Variants in SLC2A13 observed in about 807,000 individuals in gnomAD.
SLC2A13 encodes the protein solute carrier family 2 member 13.
SLC2A13 carries 32 observed loss-of-function variants against 64.4 expected under a neutral mutation model. That is an observed-to-expected ratio of 0.50 (90% CI 0.37 to 0.67). The LOEUF is 0.67. Among genes scored for constraint, SLC2A13 ranks in the 30% least tolerant of loss-of-function variants. SLC2A13 has a pLI of 0.00. For synonymous variants in SLC2A13, 338 were observed against 327.1 expected, an observed-to-expected ratio of 1.03 and a Z score of -0.36; for missense variants, 743 against 829.2, an observed-to-expected ratio of 0.90 and a Z score of 1.28.
Position 39,900,512 on chromosome 12 carries a change from G to A in SLC2A13, c.1035-28551C>T, listed in dbSNP as rs865877739. 5.9e-3 allele frequency among the ~76,000 whole-genome samples: 897 copies of A among 151,992 alleles called. 6 individuals carry two copies. The highest frequency in any genetic ancestry group is 0.017 in the Middle Eastern group (5 of 294). On this transcript the variant is annotated intron_variant, in intron 4 of 9. Transcript: ENST00000280871. ...AAGTCTCAGGATACAAAATCAATGTGCAAAAATCACAAGCATTCTTATACA... is the reference window on the plus strand; with the variant it reads ...AAGTCTCAGGATACAAAATCAATGTACAAAAATCACAAGCATTCTTATACA...
intron 3 of SLC2A13, among the ~76,000 whole-genome samples, chr12:40,001,482 TA>T (rs947412091): frequency 6.6e-6 from 1 of 152,230 alleles, no homozygotes; most frequent in African/African-American, 2.4e-5. Flanking sequence ...TCACCATTCT[TA>T]AATATTTTTT....
chr12:39,962,544 G>A (rs967115278), intron 3 of SLC2A13, among the ~76,000 whole-genome samples: 3 of 152,114 alleles, frequency 2.0e-5, no homozygotes, highest in Non-Finnish European at 4.4e-5. Context: ...GCTACTTATT[G>A]TGCCATGCTG....
In SLC2A13 at chr12:39,757,509, C is replaced by A. The variant is rs1166381320; in HGVS notation, c.*2517G>T. 6.6e-6 allele frequency: 1 copy of A among 151,066 alleles called. No homozygotes were observed. The highest frequency in any genetic ancestry group is 1.9e-4 in the East Asian group (1 of 5,146). 9.4% of individuals were successfully genotyped at this position (151,066 alleles called of 1,614,324 possible). A position where few individuals can be genotyped will look rare whatever the true frequency, so the allele number is the denominator to read the frequency against. ...TGTTCACCAAATCTAAAAATAATAC[C>A]CTAATTGTATAAGGTTCCTTTTCAA... On this transcript the variant is annotated 3_prime_UTR_variant, in exon 10 of 10. Coordinates refer to ENST00000280871, the MANE Select transcript of SLC2A13 (RefSeq NM_052885.4).
chr12:40,028,582 G>A, intron 2 of SLC2A13, 73 bp from the exon 3 acceptor site: 2 of 1,456,804 alleles, frequency 1.4e-6, no homozygotes, highest in Non-Finnish European at 1.9e-6. Flanking sequence ...ATACTTTTGT[G>A]TTGTGTTGAC....
intron 4 of SLC2A13, among the ~76,000 whole-genome samples, chr12:39,904,053 A>T (rs1299048152): frequency 6.6e-6 from 1 of 152,140 alleles, no homozygotes; most frequent in Non-Finnish European, 1.5e-5. Context: ...CTTACTGATT[A>T]TACACAGGAA....
intron 1 of SLC2A13, among the ~76,000 whole-genome samples, chr12:40,094,187 G>A (rs1368211363): frequency 2.0e-5 from 3 of 152,218 alleles, no homozygotes; most frequent in Non-Finnish European, 4.4e-5. Context: ...CAAGCCCCAG[G>A]AGGAATGCTC....
chr12:39,788,822 C>T (rs1445003594), intron 7 of SLC2A13, among the ~76,000 whole-genome samples: 1 of 152,098 alleles, frequency 6.6e-6, no homozygotes, highest in East Asian at 1.9e-4. Flanking sequence ...CGAAGTTGCC[C>T]TGCAATCTAA....
chr12:39,805,543 C>A (rs1946915236), intron 7 of SLC2A13, among the ~76,000 whole-genome samples: 1 of 151,714 alleles, frequency 6.6e-6, no homozygotes, highest in Admixed American at 6.6e-5. Context: ...AGACTTTATT[C>A]CCATAGGCCT....
chr12:39,827,046 C>G (rs1211162849), intron 7 of SLC2A13, among the ~76,000 whole-genome samples: 1 of 151,130 alleles, frequency 6.6e-6, no homozygotes, highest in Non-Finnish European at 1.5e-5. Flanking sequence ...TTGCACCAGC[C>G]TGATACTCTC....
chr12:39,873,589 T>A (rs1944111538), intron 4 of SLC2A13, among the ~76,000 whole-genome samples: 1 of 152,182 alleles, frequency 6.6e-6, no homozygotes, highest in Non-Finnish European at 1.5e-5. Context: ...CACAATAATT[T>A]AAGAATAAGA....
chr12:40,051,260 C>A (rs992718478), intron 1 of SLC2A13, among the ~76,000 whole-genome samples: 3 of 152,130 alleles, frequency 2.0e-5, no homozygotes, highest in African/African-American at 7.2e-5. Context: ...CAATTCTGCA[C>A]AGAACATGAG....
intron 6 of SLC2A13, among the ~76,000 whole-genome samples, chr12:39,839,585 C>G (rs564435662): frequency 6.6e-6 from 1 of 152,148 alleles, no homozygotes; most frequent in South Asian, 2.1e-4. Flanking sequence ...CTCTTTCCTA[C>G]AATGTTCTCA....
intron 3 of SLC2A13, among the ~76,000 whole-genome samples, chr12:39,990,487 G>T (rs564864771): frequency 6.6e-6 from 1 of 152,264 alleles, no homozygotes; most frequent in South Asian, 2.1e-4. Context: ...AGAAGGATGT[G>T]CCCACACTTG....
chr12:39,804,523 G>C (rs1941904172), intron 7 of SLC2A13, among the ~76,000 whole-genome samples: 1 of 152,066 alleles, frequency 6.6e-6, no homozygotes, highest in Non-Finnish European at 1.5e-5. Flanking sequence ...AATAGCTTTG[G>C]TATTCCCTGA....
intron 7 of SLC2A13, among the ~76,000 whole-genome samples, chr12:39,819,025 T>C (rs1329318745): frequency 2.6e-5 from 4 of 152,140 alleles, no homozygotes; most frequent in Non-Finnish European, 4.4e-5. Context: ...CTGTCAATCA[T>C]AGTTTTCAGA....
intron 4 of SLC2A13, among the ~76,000 whole-genome samples, chr12:39,931,653 A>T (rs73278659): frequency 0.036 from 5,534 of 152,256 alleles, 347 homozygotes; most frequent in African/African-American, 0.13. Flanking sequence ...TTACCAGCTT[A>T]AAGTGCCACA....
intron 4 of SLC2A13, 41 bp from the exon 5 acceptor site, chr12:39,872,002 C>A: frequency 2.1e-6 from 3 of 1,451,998 alleles, no homozygotes; most frequent in South Asian, 3.2e-5. Flanking sequence ...TGATAGTTAC[C>A]CAAAGAAACA....
chr12:39,830,167 T>C lies in SLC2A13; in HGVS notation c.1381A>G (p.Thr461Ala). ...CGFCYKMNKS[T>A]VIDSSCVPVN... ...GGAACACAGGAGGAGTCAATGACAGTTGATTTGTTCATCTTGTAGCAGAAA... is the reference window on the plus strand; with the variant it reads ...GGAACACAGGAGGAGTCAATGACAGCTGATTTGTTCATCTTGTAGCAGAAA... The change falls in exon 7 of 10, where the codon ACT becomes GCT. Residue 461 changes from threonine to alanine, a missense_variant. This residue lies in a region of SLC2A13 where 295 missense variants were observed against 381.7 expected (regional missense o/e 0.77). Coordinates refer to ENST00000280871, the MANE Select transcript of SLC2A13 (RefSeq NM_052885.4). The C allele has an allele frequency of 6.2e-7, 1 of 1,613,764 alleles. No individual in the cohort carries two copies. The highest frequency in any genetic ancestry group is 8.5e-7 in the Non-Finnish European group (1 of 1,179,786).
chr12:39,870,629 T>C (rs949133342), intron 5 of SLC2A13, among the ~76,000 whole-genome samples: 2 of 152,222 alleles, frequency 1.3e-5, no homozygotes, highest in East Asian at 3.8e-4. Context: ...TCCCTCACTT[T>C]TATTCATTTA....
Sources: allele counts gnomAD v4.1 joint callset (sites outside exome capture counted in the v4.1 genomes callset), GRCh38; gene constraint gnomAD v4.1.1; regional missense constraint gnomAD v4.1.1; transcripts MANE v1.5; gene names NCBI Gene and HGNC (gene_info 2026-07-23, HGNC 2026-07-21).